The following WDR49 variants were observed in gnomAD, a reference collection of about 807,000 sequenced individuals.
WDR49 encodes cilia- and flagella-associated protein 337.
WDR49 carries 107 observed loss-of-function variants against 119.5 expected under a neutral mutation model. The ratio of observed to expected loss-of-function variants is 0.90; its 90% confidence interval spans 0.77 to 1.05. The LOEUF (loss-of-function observed/expected upper bound fraction) is 1.05, where lower values mean the gene tolerates loss of function less well. WDR49 is among the 50% of genes least tolerant of loss of function. The pLI is 0.00. For missense variants in WDR49, 1,240 were observed against 1,220.5 expected, an observed-to-expected ratio of 1.02 and a Z score of -0.24; for synonymous variants, 425 against 418.8, an observed-to-expected ratio of 1.01 and a Z score of -0.18.
intron 2 of WDR49, among the ~76,000 whole-genome samples, chr3:167,632,186 A>T (rs1337126297): frequency 6.6e-6 from 1 of 152,126 alleles, no homozygotes; most frequent in East Asian, 1.9e-4. Flanking sequence ...TAAAAGCAGG[A>T]TCTCTATATT....
chr3:167,613,561 G>A (rs571404259), intron 5 of WDR49, among the ~76,000 whole-genome samples: 2 of 152,244 alleles, frequency 1.3e-5, no homozygotes, highest in East Asian at 1.9e-4. Context: ...ATTAAATCTG[G>A]CTTCTCTGCC....
intron 10 of WDR49, among the ~76,000 whole-genome samples, chr3:167,550,778 TGAGA>T (rs757566403): frequency 6.1e-4 from 88 of 144,044 alleles, no homozygotes; most frequent in East Asian, 3.8e-3. Context: ...TTTTTTTTTT[TGAGA>T]GAGAGAGAGA....
intron 18 of WDR49, among the ~76,000 whole-genome samples, chr3:167,489,709 A>G (rs2108197358): frequency 6.6e-6 from 1 of 152,214 alleles, no homozygotes; most frequent in South Asian, 2.1e-4. Context: ...ATTGGCAACT[A>G]ACTATATCAG....
intron 7 of WDR49, among the ~76,000 whole-genome samples, chr3:167,596,173 C>A (rs1472321940): frequency 6.6e-6 from 1 of 151,828 alleles, no homozygotes; most frequent in Non-Finnish European, 1.5e-5. Flanking sequence ...CAGTGAGATA[C>A]CATCTCACAC....
At chr3:167,532,721 C>T (rs1024679859) in intron 12 of WDR49, among the ~76,000 whole-genome samples, 158 bp downstream of exon 12, 3 of 152,162 alleles carry the variant, frequency 2.0e-5, no homozygotes, top group Non-Finnish European at 2.9e-5. Context: ...TCAAGGTTCT[C>T]TTTAGCTACT....
At chr3:167,618,123 C>T (rs758723481) in intron 5 of WDR49, among the ~76,000 whole-genome samples, 41 of 152,230 alleles carry the variant, frequency 2.7e-4, no homozygotes, top group Non-Finnish European at 5.0e-4. Flanking sequence ...ATGTTGCCCA[C>T]GTTCTCTTTC....
intron 2 of WDR49, among the ~76,000 whole-genome samples, chr3:167,636,492 C>A (rs1161777924): frequency 6.6e-6 from 1 of 151,586 alleles, no homozygotes; most frequent in Non-Finnish European, 1.5e-5. Flanking sequence ...GACTTCTTTT[C>A]CTCTGGGTAG....
intron 18 of WDR49, among the ~76,000 whole-genome samples, chr3:167,480,376 G>A (rs1307394075): frequency 6.6e-6 from 1 of 151,846 alleles, no homozygotes. Flanking sequence ...TTTGGAGCTG[G>A]ACCTAGGAAC....
At chr3:167,591,485 T>C (rs1172771065) in intron 7 of WDR49, among the ~76,000 whole-genome samples, 2 of 152,132 alleles carry the variant, frequency 1.3e-5, no homozygotes, top group East Asian at 3.9e-4. Context: ...ATCTTCTCAA[T>C]GCTGAAAAAC....
At chr3:167,644,772 G>A (rs1024835817) in intron 2 of WDR49, among the ~76,000 whole-genome samples, 1 of 152,048 alleles carries the variant, frequency 6.6e-6, no homozygotes, top group African/African-American at 2.4e-5. Context: ...GAAAAGCTTT[G>A]TCAATTTACA....
In WDR49 at chr3:167,620,629, C is replaced by A. The variant is rs200255221; in HGVS notation, c.784-26G>T. ...CTTGACAGAGACATTGAAAGAACAA[C>A]AATCGTGGACGGGATATTTGTTGCA... On this transcript the variant is annotated intron_variant, in intron 4 of 18. Coordinates refer to ENST00000682715, the MANE Select transcript of WDR49 (RefSeq NM_001366157.1). 152 of 1,508,658 alleles carry A rather than the reference C, an allele frequency of 1.0e-4. 1 individual carries two copies. The highest frequency in any genetic ancestry group is 1.2e-4 in the Non-Finnish European group (134 of 1,130,626). The allele number at this position is 1,508,658 out of a possible 1,614,324, so 93.5% of individuals were successfully genotyped here. A position where few individuals can be genotyped will look rare whatever the true frequency, so the allele number is the denominator to read the frequency against.
intron 10 of WDR49, among the ~76,000 whole-genome samples, chr3:167,538,998 C>T (rs1424538082): frequency 6.6e-6 from 1 of 152,074 alleles, no homozygotes; most frequent in East Asian, 1.9e-4. Flanking sequence ...AATTATTTCC[C>T]TCTATTCTTC....
At chr3:167,557,853 G>C (rs950235514) in intron 9 of WDR49, among the ~76,000 whole-genome samples, 1 of 152,068 alleles carries the variant, frequency 6.6e-6, no homozygotes, top group African/African-American at 2.4e-5. Flanking sequence ...AGTGAGCATG[G>C]AATAAATGTT....
intron 2 of WDR49, among the ~76,000 whole-genome samples, chr3:167,627,618 T>G (rs1161238968): frequency 6.6e-6 from 1 of 151,996 alleles, no homozygotes; most frequent in Non-Finnish European, 1.5e-5. Context: ...TTACCTCTAT[T>G]TAAGCTAGAA....
At chr3:167,533,006 T>C in intron 11 of WDR49, 29 bp from the exon 12 acceptor site, 2 of 1,489,902 alleles carry the variant, frequency 1.3e-6, no homozygotes, top group South Asian at 2.6e-5. Flanking sequence ...AGAATATAAA[T>C]TGCCAGGAGA....
In WDR49 at chr3:167,503,604, C is replaced by G. The variant is rs144591581; in HGVS notation, c.2884+1703G>C. Among the ~76,000 whole-genome samples, 188 of 152,256 alleles carry G rather than the reference C, an allele frequency of 1.2e-3. 2 individuals are homozygous for G. The East Asian group carries it at 0.034, about 27-fold the overall frequency. Reference sequence around the variant, plus strand: ...TTAGCCGTGCAGGAACAATGGCAAGCCTTTAGCCCGATCGGGAGCAGCAAT... The same window carrying G: ...TTAGCCGTGCAGGAACAATGGCAAGGCTTTAGCCCGATCGGGAGCAGCAAT... On this transcript the variant is annotated intron_variant, in intron 17 of 18. Coordinates refer to ENST00000682715, the MANE Select transcript of WDR49 (RefSeq NM_001366157.1).
chr3:167,523,814 G>C (rs140359140), intron 15 of WDR49, among the ~76,000 whole-genome samples: 1 of 152,070 alleles, frequency 6.6e-6, no homozygotes, highest in South Asian at 2.1e-4. Flanking sequence ...ATTTGGGTTG[G>C]TTCCAAGTCT....
chr3:167,581,150 T>C (rs1714509083), intron 7 of WDR49, among the ~76,000 whole-genome samples: 1 of 152,190 alleles, frequency 6.6e-6, no homozygotes, highest in Non-Finnish European at 1.5e-5. Context: ...TTAAGGCAAA[T>C]AAATTTTGCC....
At chr3:167,590,136 T>C (rs1715032234) in intron 7 of WDR49, among the ~76,000 whole-genome samples, 1 of 152,136 alleles carries the variant, frequency 6.6e-6, no homozygotes, top group African/African-American at 2.4e-5. Flanking sequence ...TATCAAATGC[T>C]TTTTCAGAAT....
Sources: allele counts gnomAD v4.1 joint callset (sites outside exome capture counted in the v4.1 genomes callset), GRCh38; gene constraint gnomAD v4.1.1; transcripts MANE v1.5; gene names NCBI Gene and HGNC (gene_info 2026-07-23, HGNC 2026-07-21).